Variants in ZNF618 observed in about 807,000 individuals in gnomAD.
ZNF618 encodes zinc finger protein 618.
A neutral mutation model predicts 103.0 loss-of-function variants in ZNF618; 34 were observed. The observed-to-expected ratio is 0.33, with a 90% CI of 0.25 to 0.44. The LOEUF is 0.44. Ranked by LOEUF, ZNF618 falls within the 20% of genes least tolerant of loss-of-function variation. ZNF618 has a pLI of 1.00. For synonymous variants in ZNF618, 551 were observed against 542.2 expected, an observed-to-expected ratio of 1.02 and a Z score of -0.23; for missense variants, 1,059 against 1,295.4, an observed-to-expected ratio of 0.82 and a Z score of 2.80.
At chr9:114,026,869 G>C (rs536513449) in intron 10 of ZNF618, among the ~76,000 whole-genome samples, 2 of 152,248 alleles carry the variant, frequency 1.3e-5, no homozygotes, top group South Asian at 4.2e-4. Context: ...TGGAGTCGAG[G>C]GGGGAAAACA....
At chr9:114,032,356 T>C (rs1844153917) in intron 11 of ZNF618, among the ~76,000 whole-genome samples, 1 of 152,174 alleles carries the variant, frequency 6.6e-6, no homozygotes, top group Non-Finnish European at 1.5e-5. Flanking sequence ...CTCAGGCCCA[T>C]TTGCCATCTG....
intron 1 of ZNF618, among the ~76,000 whole-genome samples, chr9:113,964,389 G>A (rs1357958826): frequency 6.6e-6 from 1 of 152,054 alleles, no homozygotes; most frequent in African/African-American, 2.4e-5. Flanking sequence ...TCTTTCCGCC[G>A]CTGAACAGCT....
chr9:113,921,640 A>G (rs1362277414), intron 1 of ZNF618, among the ~76,000 whole-genome samples: 1 of 152,220 alleles, frequency 6.6e-6, no homozygotes, highest in Non-Finnish European at 1.5e-5. Flanking sequence ...CCTTGAGAAG[A>G]TGGGGAAACA....
rs34031250 is a variant in ZNF618 at position 113,957,805 on chromosome 9, C to CTTT, written c.34-11300_34-11298dup. 3.1e-3 allele frequency among the ~76,000 whole-genome samples: 455 copies of CTTT among 145,320 alleles called. 5 individuals are homozygous for CTTT. The highest frequency in any genetic ancestry group is 0.014 in the Middle Eastern group (4 of 282). On this transcript the variant is annotated intron_variant, in intron 1 of 14. Coordinates refer to ENST00000374126, the MANE Select transcript of ZNF618 (RefSeq NM_001318042.2). The stretch of plus-strand genomic sequence containing the variant: ...TTTCTCTCCATGAAGCAAAAGTTTC[C>CTTT]TTTTTTTTTTTTTTACCCCCAACCC...
chr9:114,024,426 C>T (rs1341264783), intron 10 of ZNF618, among the ~76,000 whole-genome samples: 1 of 152,188 alleles, frequency 6.6e-6, no homozygotes, highest in African/African-American at 2.4e-5. Flanking sequence ...GTGCTGCATC[C>T]TGGGAATGCT....
rs761583938 is a variant in ZNF618 at position 114,007,377 on chromosome 9, G to A, written c.578G>A (p.Cys193Tyr). 1 of 1,613,858 alleles carries A rather than the reference G, an allele frequency of 6.2e-7. No individual in the cohort carries two copies. ...AATTTCAGGTACACATGTGATATCT[G>A]CGGGAAGAAGTACAAATACTACAGC... is the stretch of plus-strand genomic sequence containing the variant. ...SNNFRYTCDI[C>Y]GKKYKYYSCF... The change falls in exon 7 of 15, where the codon TGC (cysteine) becomes TAC (tyrosine). Residue 193 changes from cysteine to tyrosine, a missense_variant. This residue lies in a region of ZNF618 where 434 missense variants were observed against 476.0 expected (regional missense o/e 0.91). Transcript: ENST00000374126.
At chr9:114,025,790 C>CTCATTGGGATCCCATCTT (rs1843448641) in intron 10 of ZNF618, among the ~76,000 whole-genome samples, 1 of 152,160 alleles carries the variant, frequency 6.6e-6, no homozygotes, top group Non-Finnish European at 1.5e-5. Flanking sequence ...ATTATGTGCC[C>CTCATTGGGATCCCATCTT]TCATTGGGAT....
At chr9:114,013,048 G>A (rs1842388061) in intron 9 of ZNF618, among the ~76,000 whole-genome samples, 1 of 151,888 alleles carries the variant, frequency 6.6e-6, no homozygotes, top group Admixed American at 6.6e-5. Flanking sequence ...ACCTATACAT[G>A]AATTCAAGGT....
At chr9:113,891,013 T>C (rs1309528425) in intron 1 of ZNF618, among the ~76,000 whole-genome samples, 1 of 152,244 alleles carries the variant, frequency 6.6e-6, no homozygotes, top group African/African-American at 2.4e-5. Context: ...ATATTGACTT[T>C]GTTATTTAGA....
intron 4 of ZNF618, 129 bp from the exon 5 acceptor site, chr9:114,001,867 C>T: frequency 1.2e-6 from 1 of 814,672 alleles, no homozygotes; most frequent in Admixed American, 1.8e-5. Context: ...TCGGTGCTGC[C>T]TCCTTGCCAG....
chr9:113,889,558 C>T (rs1442582970), intron 1 of ZNF618, among the ~76,000 whole-genome samples: 3 of 152,308 alleles, frequency 2.0e-5, no homozygotes, highest in African/African-American at 7.2e-5. Flanking sequence ...CAAAGGTGTG[C>T]GCCATTCAGA....
At chr9:113,905,553 T>C (rs888596467) in intron 1 of ZNF618, among the ~76,000 whole-genome samples, 2 of 152,218 alleles carry the variant, frequency 1.3e-5, no homozygotes, top group Non-Finnish European at 2.9e-5. Context: ...TTGTGACCCT[T>C]TATAGAAAAG....
In ZNF618 at chr9:113,998,901, G is replaced by A. The variant is rs1008554203; in HGVS notation, c.433+547G>A. Among the ~76,000 whole-genome samples the A allele has an allele frequency of 2.3e-4, 35 of 152,218 alleles. 1 individual carries two copies. Among genetic ancestry groups the A allele is most frequent in the African/African-American group, 4.8e-5 (2 of 41,456 alleles). The stretch of plus-strand genomic sequence containing the variant: ...CTAGTAACAGCAGCTGACCTGTATC[G>A]TGTGCCTGCTGTGGACCAGGCCCTG... On this transcript the variant is annotated intron_variant, in intron 4 of 14. Transcript: ENST00000374126.
chr9:114,017,746 G>A (rs1280757353), intron 10 of ZNF618, among the ~76,000 whole-genome samples: 9 of 152,174 alleles, frequency 5.9e-5, no homozygotes, highest in Admixed American at 5.2e-4. Context: ...GTTTACAGAA[G>A]GTCACTGGGG....
chr9:113,923,566 G>A (rs531002904), intron 1 of ZNF618, among the ~76,000 whole-genome samples: 141 of 152,188 alleles, frequency 9.3e-4, no homozygotes, highest in African/African-American at 3.2e-3. Flanking sequence ...TTTTTAGCCT[G>A]TTGATGTGAT....
At position 114,008,496 on chromosome 9, in the gene ZNF618, C is replaced by T. The variant is rs3748183; in HGVS notation, c.696C>T (p.Val232=). ...ENRADPFDQG[V]VATDEVKEEP... ...CCACAGACCCCTTCGACCAAGGTGT[C>T]GTGGCCACGGACGAGGTGAAGGAGG... The change falls in exon 9 of 15, where the codon GTC becomes GTT. Residue 232 remains valine, a synonymous_variant. Transcript: ENST00000374126. The T allele has an allele frequency of 0.34, 547,888 of 1,612,784 alleles. 99,629 individuals are homozygous for T. Among genetic ancestry groups the T allele is most frequent in the East Asian group, 0.64 (28,449 of 44,784 alleles).
intron 13 of ZNF618, among the ~76,000 whole-genome samples, chr9:114,041,534 G>A (rs547203208): frequency 1.3e-5 from 2 of 152,276 alleles, no homozygotes; most frequent in South Asian, 4.1e-4. Context: ...TCCAGTTTCA[G>A]CTTTCTACAT....
chr9:113,970,806 T>C (rs191486963), intron 2 of ZNF618, among the ~76,000 whole-genome samples: 1 of 151,184 alleles, frequency 6.6e-6, no homozygotes, highest in Admixed American at 6.6e-5. Flanking sequence ...TCATTTTCAT[T>C]ATTCGTTATT....
At chr9:113,942,068 T>C (rs1834602722) in intron 1 of ZNF618, among the ~76,000 whole-genome samples, 1 of 152,224 alleles carries the variant, frequency 6.6e-6, no homozygotes, top group Non-Finnish European at 1.5e-5. Flanking sequence ...ATGTCTGGTA[T>C]GGAGGAAGTG....
Sources: gnomAD v4.1 joint callset for allele counts (sites outside exome capture counted in the v4.1 genomes callset) on GRCh38, gnomAD v4.1.1 for gene constraint, gnomAD v4.1.1 regional missense constraint, MANE v1.5 for transcripts, NCBI Gene and HGNC (gene_info 2026-07-23, HGNC 2026-07-21) for gene names.